The following SMPD4 variants were observed in gnomAD, a reference collection of about 807,000 sequenced individuals.
The protein encoded by SMPD4 is neutral sphingomyelinase 3.
In SMPD4, 58 loss-of-function variants were observed where a neutral mutation model predicts 97.8. The ratio of observed to expected loss-of-function variants is 0.59; its 90% CI spans 0.48 to 0.74. SMPD4 has a LOEUF of 0.74. Among genes scored for constraint, SMPD4 ranks in the 30% least tolerant of loss-of-function variants. SMPD4 has a pLI of 0.00. For synonymous variants in SMPD4, 388 were observed against 450.0 expected, an observed-to-expected ratio of 0.86 and a Z score of 1.74; for missense variants, 853 against 1,080.5, an observed-to-expected ratio of 0.79 and a Z score of 2.95.
chr2:130,161,579 T>TTA (rs1687426640), intron 10 of SMPD4, among the ~76,000 whole-genome samples: 1 of 152,130 alleles, frequency 6.6e-6, no homozygotes, highest in African/African-American at 2.4e-5. Flanking sequence ...GTCACCTGGG[T>TTA]GGCCCCTCAG....
chr2:130,176,789 G>C lies in SMPD4; in HGVS notation c.-45-152C>G, dbSNP rs577574231. On this transcript the variant is annotated intron_variant, in intron 1 of 19. Transcript: ENST00000680298. ...TGCAACCTCAAACTCCTGGGTTCAA[G>C]CAATCCTCCCACGTCAGTCTCCTGA... is the stretch of plus-strand genomic sequence containing the variant. 8.0e-6 allele frequency: 5 copies of C among 622,376 alleles called. No individual in the cohort carries two copies. In the East Asian group the frequency reaches 8.7e-5, roughly 11 times the overall value. 38.6% of individuals were successfully genotyped at this position (622,376 alleles called of 1,614,324 possible).
At position 130,151,710 on chromosome 2, in the gene SMPD4, G is replaced by A. The variant is rs1175383444; in HGVS notation, c.*845C>T. 1 of 149,188 alleles carries A rather than the reference G, an allele frequency of 6.7e-6. No homozygotes were observed. The highest frequency in any genetic ancestry group is 6.7e-5 in the Admixed American group (1 of 14,822). The allele number at this position is 149,188 out of a possible 1,614,324, so 9.2% of individuals were successfully genotyped here. The stretch of plus-strand genomic sequence containing the variant: ...ATATTTTGAATACTTAAGTACCACT[G>A]AACGGTTGCCATGTCTTTGAGCACT... On this transcript the variant is annotated 3_prime_UTR_variant, in exon 20 of 20. Transcript: ENST00000680298.
At chr2:130,153,525 A>G (rs1184761573) in intron 17 of SMPD4, 75 bp from the exon 18 acceptor site, 1 of 1,593,228 alleles carries the variant, frequency 6.3e-7, no homozygotes, top group African/African-American at 1.3e-5. Context: ...ACCAGCCTAC[A>G]ACAGTGGCAA....
Position 130,153,070 on chromosome 2 carries a change from A to G in SMPD4, c.2127T>C (p.Phe709=), listed in dbSNP as rs1244416712. 1.9e-5 allele frequency: 31 copies of G among 1,612,642 alleles called. 1 individual carries two copies. Among genetic ancestry groups the G allele is most frequent in the Non-Finnish European group, 2.3e-5 (27 of 1,179,974 alleles). ...YEIASLVRTL[F]RLSSAINHRF... ...TGTGGTTGATGGCAGACGACAGCCT[A>G]AAGAGTGTGCGGACCAAGCTGGCGA... The change falls in exon 19 of 20, where the codon TTT becomes TTC. Residue 709 remains phenylalanine (F), a synonymous_variant. Transcript: ENST00000680298.
At chr2:130,180,133 GT>G (rs923285012) in intron 1 of SMPD4, among the ~76,000 whole-genome samples, 2 of 135,668 alleles carry the variant, frequency 1.5e-5, no homozygotes, top group Non-Finnish European at 3.2e-5. Flanking sequence ...CCGGCTAATT[GT>G]TTTTTGTATT....
chr2:130,177,942 A>G (rs530380697), intron 1 of SMPD4, among the ~76,000 whole-genome samples: 47 of 152,328 alleles, frequency 3.1e-4, no homozygotes, highest in African/African-American at 1.1e-3. Context: ...AGGTACTGCT[A>G]TGACGGCATT....
chr2:130,165,321 G>C (rs1349193547), intron 9 of SMPD4, among the ~76,000 whole-genome samples: 1 of 151,836 alleles, frequency 6.6e-6, no homozygotes, highest in Non-Finnish European at 1.5e-5. Flanking sequence ...AGCTACTCAG[G>C]AGGCTGAGGC....
intron 1 of SMPD4, among the ~76,000 whole-genome samples, chr2:130,178,162 C>CACAG (rs1689152620): frequency 6.6e-6 from 1 of 152,060 alleles, no homozygotes; most frequent in South Asian, 2.1e-4. Context: ...TCTTGTAATG[C>CACAG]CTGGACTTCT....
chr2:130,163,667 G>C (rs184755987), intron 10 of SMPD4, among the ~76,000 whole-genome samples: 1 of 152,382 alleles, frequency 6.6e-6, no homozygotes, highest in Non-Finnish European at 1.5e-5. Context: ...CTGCTCCATG[G>C]AGATGACTGA....
chr2:130,166,830 G>A (rs1687973588), intron 9 of SMPD4, among the ~76,000 whole-genome samples: 1 of 152,222 alleles, frequency 6.6e-6, no homozygotes, highest in Non-Finnish European at 1.5e-5. Context: ...TGAATCAATG[G>A]AAGGCCTGTG....
At chr2:130,179,512 G>C (rs757477511) in intron 1 of SMPD4, among the ~76,000 whole-genome samples, 4 of 151,736 alleles carry the variant, frequency 2.6e-5, no homozygotes, top group African/African-American at 9.7e-5. Flanking sequence ...TCAGCCTCCC[G>C]AGTAGCTGGG....
chr2:130,162,849 A>G (rs978193364), intron 10 of SMPD4, among the ~76,000 whole-genome samples: 17 of 152,214 alleles, frequency 1.1e-4, no homozygotes, highest in African/African-American at 4.1e-4. Context: ...AGAGTGGAGC[A>G]TCTCTGGGTA....
rs1268215716 is a variant in SMPD4 at position 130,151,618 on chromosome 2, A to G, written c.*937T>C. The G allele has an allele frequency of 1.4e-5, 2 of 148,004 alleles. No homozygotes were observed. The highest frequency in any genetic ancestry group is 6.8e-5 in the Admixed American group (1 of 14,696). The allele number at this position is 148,004 out of a possible 1,614,324, so 9.2% of individuals were successfully genotyped here. ...CCACTGAGATGCTGTTCTCCCTCGC[A>G]TGTCGCCTGTGGGGTGAATGAAGGT... On this transcript the variant is annotated 3_prime_UTR_variant, in exon 20 of 20. Transcript: ENST00000680298.
At chr2:130,169,676 C>T (rs537835899) in intron 8 of SMPD4, among the ~76,000 whole-genome samples, 2 of 152,248 alleles carry the variant, frequency 1.3e-5, no homozygotes, top group East Asian at 3.9e-4. Flanking sequence ...CCACCTCAGC[C>T]TCCTGAGTAG....
intron 10 of SMPD4, among the ~76,000 whole-genome samples, chr2:130,162,790 C>A (rs1362705665): frequency 3.3e-5 from 5 of 152,258 alleles, no homozygotes; most frequent in Admixed American, 6.5e-5. Flanking sequence ...TGACTCCCAC[C>A]CACCAAGTTT....
chr2:130,167,379 G>A (rs192454285), intron 9 of SMPD4, 79 bp downstream of exon 9: 20 of 1,594,234 alleles, frequency 1.3e-5, no homozygotes, highest in East Asian at 6.8e-5. Context: ...CCTAGGCCTC[G>A]CAAAGTGCTG....
chr2:130,153,639 G>A, intron 17 of SMPD4, 63 bp downstream of exon 17: 6 of 1,572,066 alleles, frequency 3.8e-6, no homozygotes, highest in Admixed American at 1.8e-5. Flanking sequence ...CACAGGCTGG[G>A]TGGAGTGGAT....
chr2:130,161,310 A>G, intron 10 of SMPD4, 38 bp from the exon 11 acceptor site: 1 of 1,587,314 alleles, frequency 6.3e-7, no homozygotes. Context: ...AAGAGGCCGA[A>G]GAGCAGAGGA....
chr2:130,177,694 CAAA>C (rs747902500), intron 1 of SMPD4, among the ~76,000 whole-genome samples: 4 of 108,268 alleles, frequency 3.7e-5, no homozygotes, highest in Non-Finnish European at 3.9e-5. Context: ...GACTCCATCT[CAAA>C]AAAAAAAAAA....
Sources: gnomAD v4.1 joint callset for allele counts (sites outside exome capture counted in the v4.1 genomes callset) on GRCh38, gnomAD v4.1.1 for gene constraint, MANE v1.5 for transcripts, NCBI Gene and HGNC (gene_info 2026-07-23, HGNC 2026-07-21) for gene names.